The following STIM2 variants were observed in gnomAD, a reference collection of about 807,000 sequenced individuals.
STIM2 encodes the protein stromal interaction molecule 2.
STIM2 carries 31 observed loss-of-function variants against 85.8 expected under a neutral mutation model. The ratio of observed to expected loss-of-function variants is 0.36; its 90% CI spans 0.27 to 0.49. The LOEUF (loss-of-function observed/expected upper bound fraction) is 0.49. Among genes scored for constraint, STIM2 ranks in the 20% least tolerant of loss-of-function variants. The pLI is 0.98. For synonymous variants in STIM2, 356 were observed against 331.1 expected (o/e 1.08, Z -0.82); for missense variants, 841 against 927.6 (o/e 0.91, Z 1.21).
intron 2 of STIM2, among the ~76,000 whole-genome samples, chr4:26,939,865 C>T (rs958143356): frequency 2.4e-4 from 37 of 152,092 alleles, no homozygotes; most frequent in African/African-American, 8.9e-4. Flanking sequence ...TGAATATAGG[C>T]CCCATGAGTT....
chr4:26,918,112 C>T (rs1387544539), intron 1 of STIM2, among the ~76,000 whole-genome samples: 1 of 151,942 alleles, frequency 6.6e-6, no homozygotes, highest in Non-Finnish European at 1.5e-5. Flanking sequence ...CTGATTACTT[C>T]CCTTCTAAGA....
intron 1 of STIM2, among the ~76,000 whole-genome samples, chr4:26,870,695 C>G (rs367995128): frequency 3.3e-5 from 5 of 152,108 alleles, no homozygotes; most frequent in East Asian, 3.9e-4. Flanking sequence ...TGCCAGACAC[C>G]AGTTGGGTGT....
At chr4:26,869,216 G>C (rs1458997382) in intron 1 of STIM2, among the ~76,000 whole-genome samples, 1 of 150,370 alleles carries the variant, frequency 6.7e-6, no homozygotes, top group Non-Finnish European at 1.5e-5. Context: ...AGAATCACCT[G>C]AGCCTGGGGG....
chr4:26,861,936 A>G (rs1336944473), intron 1 of STIM2, among the ~76,000 whole-genome samples: 9 of 152,074 alleles, frequency 5.9e-5, no homozygotes, highest in Non-Finnish European at 1.2e-4. Flanking sequence ...TTTACAGTGC[A>G]TTTTTTGCGG....
chr4:26,952,077 G>A (rs113391691), intron 2 of STIM2, among the ~76,000 whole-genome samples: 4,356 of 152,130 alleles, frequency 0.029, 129 homozygotes, highest in African/African-American at 0.079. Context: ...AACAGTATGG[G>A]GGAAACTGCC....
intron 3 of STIM2, among the ~76,000 whole-genome samples, chr4:26,992,802 C>T (rs1727812452): frequency 6.6e-6 from 1 of 152,046 alleles, no homozygotes; most frequent in Admixed American, 6.6e-5. Flanking sequence ...AAGGTGTTTA[C>T]TAAGTATCAC....
At chr4:26,901,350 A>G (rs1176637061) in intron 1 of STIM2, among the ~76,000 whole-genome samples, 1 of 152,132 alleles carries the variant, frequency 6.6e-6, no homozygotes, top group African/African-American at 2.4e-5. Flanking sequence ...TTTAAATACT[A>G]ATTTCTATGA....
At chr4:26,906,263 T>C (rs1341800957) in intron 1 of STIM2, among the ~76,000 whole-genome samples, 1 of 151,956 alleles carries the variant, frequency 6.6e-6, no homozygotes, top group Non-Finnish European at 1.5e-5. Context: ...CAACAGACAC[T>C]GGGTCAACTT....
At chr4:26,960,197 C>T (rs1190426000) in intron 3 of STIM2, among the ~76,000 whole-genome samples, 2 of 152,132 alleles carry the variant, frequency 1.3e-5, no homozygotes, top group East Asian at 1.9e-4. Context: ...GAAAATTTCT[C>T]TGGAGAAACG....
intron 3 of STIM2, among the ~76,000 whole-genome samples, chr4:26,964,170 T>A (rs1332452433): frequency 6.6e-6 from 1 of 152,156 alleles, no homozygotes; most frequent in Non-Finnish European, 1.5e-5. Context: ...TCTGTGTAAA[T>A]CTGATGGGCA....
intron 1 of STIM2, among the ~76,000 whole-genome samples, chr4:26,866,402 T>G (rs1722411042): frequency 6.6e-6 from 1 of 152,088 alleles, no homozygotes; most frequent in African/African-American, 2.4e-5. Flanking sequence ...TGGATTGTGA[T>G]TAGCACCACA....
intron 1 of STIM2, among the ~76,000 whole-genome samples, chr4:26,918,016 C>T (rs866850403): frequency 1.3e-5 from 2 of 152,036 alleles, no homozygotes; most frequent in African/African-American, 2.4e-5. Context: ...TCTTGACTGG[C>T]GTTCCAAATA....
intron 11 of STIM2, 146 bp downstream of exon 11, chr4:27,018,130 AT>A: frequency 2.5e-6 from 3 of 1,184,478 alleles, no homozygotes; most frequent in Non-Finnish European, 3.6e-6. Context: ...GACATCACCC[AT>A]TTTTTAGCTC....
chr4:26,936,599 G>A (rs7693488), intron 2 of STIM2, among the ~76,000 whole-genome samples: 2,566 of 152,234 alleles, frequency 0.017, 79 homozygotes, highest in African/African-American at 0.059. Flanking sequence ...AGGATTTTGT[G>A]AACTAGGAAG....
chr4:26,938,301 A>G (rs1725469278), intron 2 of STIM2, among the ~76,000 whole-genome samples: 1 of 152,104 alleles, frequency 6.6e-6, no homozygotes, highest in Admixed American at 6.6e-5. Flanking sequence ...TTGTGAAATG[A>G]TTATTATCGC....
Position 26,999,608 on chromosome 4 carries a change from A to G in STIM2, c.625+261A>G, listed in dbSNP as rs566139588. Among the ~76,000 whole-genome samples the G allele has an allele frequency of 8.5e-5, 13 of 152,280 alleles. No individual in the cohort carries two copies. The South Asian group carries it at 2.3e-3, about 27-fold the overall frequency. On this transcript the variant is annotated intron_variant, in intron 5 of 11. Transcript: ENST00000467087. ...ATTTAGCTGTTAATTTAGAATTTTT[A>G]GATTTAAAACTTTGGATCTTTGGAG...
intron 1 of STIM2, among the ~76,000 whole-genome samples, chr4:26,876,508 T>A (rs1208759830): frequency 1.3e-5 from 2 of 152,214 alleles, no homozygotes; most frequent in African/African-American, 4.8e-5. Flanking sequence ...TACTCTAACA[T>A]AAAAAGTCTC....
At chr4:26,874,213 G>A (rs754252791) in intron 1 of STIM2, 150 of 468,332 alleles carry the variant, frequency 3.2e-4, no homozygotes, top group Non-Finnish European at 4.9e-4. Context: ...TGTCTGCACA[G>A]GGAACCCAGG....
chr4:26,865,084 C>T (rs1223486826), intron 1 of STIM2, among the ~76,000 whole-genome samples: 14 of 152,132 alleles, frequency 9.2e-5, no homozygotes, highest in Admixed American at 8.5e-4. Context: ...CCTCTTATGA[C>T]GTTGTTCTTT....
Sources: allele counts gnomAD v4.1 joint callset (sites outside exome capture counted in the v4.1 genomes callset), GRCh38; gene constraint gnomAD v4.1.1; transcripts MANE v1.5; gene names NCBI Gene and HGNC (gene_info 2026-07-23, HGNC 2026-07-21).